Variants in DPY19L4 observed in about 807,000 individuals in gnomAD.
DPY19L4 encodes the protein probable C-mannosyltransferase DPY19L4.
Under a neutral mutation model 102.8 loss-of-function variants are expected in DPY19L4, and 97 were observed. That is an observed-to-expected ratio of 0.94 (90% CI 0.80 to 1.12). The LOEUF is 1.12. Ranked by LOEUF, DPY19L4 falls within the 50% of genes most tolerant of loss-of-function variation. The pLI is 0.00. For missense variants in DPY19L4, 815 were observed against 850.4 expected, an observed-to-expected ratio of 0.96 and a Z score of 0.52; for synonymous variants, 252 against 283.1, an observed-to-expected ratio of 0.89 and a Z score of 1.10.
chr8:94,761,995 A>G (rs758308724), intron 8 of DPY19L4, among the ~76,000 whole-genome samples, 161 bp downstream of exon 8: 1 of 152,252 alleles, frequency 6.6e-6, no homozygotes, highest in Non-Finnish European at 1.5e-5. Flanking sequence ...TAAATTGTTA[A>G]CCAAGTATAA....
intron 2 of DPY19L4, among the ~76,000 whole-genome samples, chr8:94,730,637 C>T (rs545101035): frequency 1.3e-5 from 2 of 150,814 alleles, no homozygotes; most frequent in Non-Finnish European, 3.0e-5. Context: ...CCCAGCTACT[C>T]GGGAGGCTGA....
intron 6 of DPY19L4, among the ~76,000 whole-genome samples, chr8:94,754,202 G>A (rs986126751): frequency 5.3e-5 from 8 of 152,128 alleles, no homozygotes; most frequent in Admixed American, 5.2e-4. Flanking sequence ...TTAGAGGTCT[G>A]AGACTAGGAA....
At chr8:94,722,525 C>G (rs1810512005) in intron 1 of DPY19L4, among the ~76,000 whole-genome samples, 2 of 152,128 alleles carry the variant, frequency 1.3e-5, no homozygotes, top group Non-Finnish European at 2.9e-5. Context: ...TAAAATATTG[C>G]TTTATTCAAC....
Position 94,790,086 on chromosome 8 carries a change from G to A in DPY19L4, c.*176G>A, listed in dbSNP as rs1254078736. The A allele has an allele frequency of 5.3e-6, 3 of 561,714 alleles. No individual in the cohort carries two copies. Among genetic ancestry groups the A allele is most frequent in the East Asian group, 3.3e-5 (1 of 30,348 alleles). The allele number at this position is 561,714 out of a possible 1,614,324, so 34.8% of individuals were successfully genotyped here. On this transcript the variant is annotated 3_prime_UTR_variant, in exon 19 of 19. Coordinates refer to ENST00000414645, the MANE Select transcript of DPY19L4 (RefSeq NM_181787.3). ...GGGAAATAGAAGATCAAGCATTACT[G>A]TCCTTTGATTAAATGTGATATCTAC...
chr8:94,751,870 G>T (rs921824143), intron 6 of DPY19L4, among the ~76,000 whole-genome samples: 2 of 152,116 alleles, frequency 1.3e-5, no homozygotes, highest in Admixed American at 6.6e-5. Flanking sequence ...TATACTTTTT[G>T]GTGGTGGGGC....
chr8:94,752,062 T>C (rs2130852973), intron 6 of DPY19L4, among the ~76,000 whole-genome samples: 1 of 152,280 alleles, frequency 6.6e-6, no homozygotes, highest in South Asian at 2.1e-4. Flanking sequence ...TCATTTCTTT[T>C]GGGTAGAATG....
intron 2 of DPY19L4, among the ~76,000 whole-genome samples, chr8:94,734,195 A>T (rs1811095593): frequency 6.6e-6 from 1 of 151,028 alleles, no homozygotes; most frequent in Admixed American, 6.6e-5. Context: ...AGTAGCTGGG[A>T]TTACAAGTGT....
intron 10 of DPY19L4, 71 bp downstream of exon 10, chr8:94,765,880 G>T: frequency 1.0e-6 from 1 of 959,610 alleles, no homozygotes; most frequent in Non-Finnish European, 1.6e-6. Flanking sequence ...ACATTTTAAT[G>T]AGAATAATGA....
At chr8:94,764,746 C>CTTTTT (rs1812591465) in intron 8 of DPY19L4, among the ~76,000 whole-genome samples, 1 of 40,360 alleles carries the variant, frequency 2.5e-5, no homozygotes, top group Non-Finnish European at 4.5e-5. Flanking sequence ...TTTTTTTGTC[C>CTTTTT]TGAGACAGAG....
chr8:94,734,056 A>G (rs1811085560), intron 2 of DPY19L4, among the ~76,000 whole-genome samples: 1 of 147,778 alleles, frequency 6.8e-6, no homozygotes, highest in Non-Finnish European at 1.5e-5. Flanking sequence ...GTTTTTACCT[A>G]ATGTCTTTTT....
intron 7 of DPY19L4, among the ~76,000 whole-genome samples, chr8:94,757,503 G>A (rs578083989): frequency 5.0e-4 from 76 of 151,974 alleles, no homozygotes; most frequent in Admixed American, 8.5e-4. Flanking sequence ...TCTGCGTCCC[G>A]GGCTCAAGCG....
chr8:94,739,677 C>T lies in DPY19L4; in HGVS notation c.498C>T (p.Gly166=), dbSNP rs1811351787. 1.9e-6 allele frequency: 3 copies of T among 1,613,988 alleles called. No homozygotes were observed. Among genetic ancestry groups the T allele is most frequent in the Non-Finnish European group, 2.5e-6 (3 of 1,179,980 alleles). The part of the protein sequence containing the change: ...EIIEPVYFYI[G]IVFGLQGIYV... Reference sequence around the variant, plus strand: ...TTGAGCCAGTGTATTTCTATATTGGCATTGTTTTTGGATTGCAAGGAATAT... The same window carrying T: ...TTGAGCCAGTGTATTTCTATATTGGTATTGTTTTTGGATTGCAAGGAATAT... Residue 166 remains glycine (G), a synonymous_variant, in exon 6 of 19, where the codon GGC becomes GGT. Transcript: ENST00000414645.
chr8:94,743,978 C>T (rs59712037), intron 6 of DPY19L4, among the ~76,000 whole-genome samples: 3,078 of 152,242 alleles, frequency 0.02, 101 homozygotes, highest in African/African-American at 0.07. Context: ...TGCACTCCAG[C>T]CAGGGTGACA....
At chr8:94,771,646 G>A (rs1812941149) in intron 13 of DPY19L4, among the ~76,000 whole-genome samples, 2 of 152,220 alleles carry the variant, frequency 1.3e-5, no homozygotes, top group South Asian at 2.1e-4. Context: ...GTGAGTAGGA[G>A]TGGACTAGGT....
intron 13 of DPY19L4, among the ~76,000 whole-genome samples, chr8:94,772,483 G>A (rs889793553): frequency 6.6e-6 from 1 of 152,206 alleles, no homozygotes; most frequent in Admixed American, 6.5e-5. Flanking sequence ...CAAGGTCCAG[G>A]AGACACCAAA....
intron 2 of DPY19L4, among the ~76,000 whole-genome samples, chr8:94,732,700 A>T (rs1046243924): frequency 2.0e-5 from 3 of 151,840 alleles, no homozygotes. Context: ...GAAAAAAAAA[A>T]TTTCTGAATG....
At chr8:94,720,055 G>T (rs13267007) in intron 1 of DPY19L4, 41 bp downstream of exon 1, 1 of 1,518,398 alleles carries the variant, frequency 6.6e-7, no homozygotes, top group Non-Finnish European at 8.8e-7. Context: ...GCTGCCAGTG[G>T]TCTCGGGAAG....
chr8:94,770,580 A>ATTTGAT lies in DPY19L4; in HGVS notation c.1454+9_1454+10insTTTGAT. 1 of 1,612,864 alleles carries ATTTGAT rather than the reference A, an allele frequency of 6.2e-7. No individual in the cohort carries two copies. Among genetic ancestry groups the ATTTGAT allele is most frequent in the Admixed American group, 1.7e-5 (1 of 59,824 alleles). ...GCAATGGTTATAGAAGGGTAAGTGT[A>ATTTGAT]CTTTATTTGATCCCTTTGTTTTAAC... On this transcript the variant is annotated intron_variant, in intron 13 of 18. Coordinates refer to ENST00000414645, the MANE Select transcript of DPY19L4 (RefSeq NM_181787.3).
intron 13 of DPY19L4, among the ~76,000 whole-genome samples, chr8:94,774,725 G>T (rs538401538): frequency 6.6e-6 from 1 of 151,916 alleles, no homozygotes. Flanking sequence ...TTACAGACAT[G>T]CACCACCATG....
Sources: allele counts gnomAD v4.1 joint callset (sites outside exome capture counted in the v4.1 genomes callset), GRCh38; gene constraint gnomAD v4.1.1; transcripts MANE v1.5; gene names NCBI Gene and HGNC (gene_info 2026-07-23, HGNC 2026-07-21).